Variants in CSMD1 observed in about 807,000 individuals in gnomAD.
The protein encoded by CSMD1 is CUB and sushi domain-containing protein 1.
A neutral mutation model predicts 417.5 loss-of-function variants in CSMD1; 213 were observed. That is an observed-to-expected ratio of 0.51 (90% CI 0.46 to 0.57). The LOEUF is 0.57. Ranked by LOEUF, CSMD1 falls within the 20% of genes least tolerant of loss-of-function variation. The pLI is 0.00. For missense variants in CSMD1, 6,923 were observed against 4,529.7 expected (o/e 1.53, Z -15.17); for synonymous variants, 2,862 against 1,736.8 (o/e 1.65, Z -16.11).
At chr8:4,233,739 G>A (rs938666576) in intron 3 of CSMD1, among the ~76,000 whole-genome samples, 1 of 152,146 alleles carries the variant, frequency 6.6e-6, no homozygotes, top group African/African-American at 2.4e-5. Context: ...ATAAAATAAA[G>A]ATGTAAGATC....
intron 3 of CSMD1, among the ~76,000 whole-genome samples, chr8:4,104,984 T>C (rs1479548500): frequency 8.4e-6 from 1 of 119,522 alleles, no homozygotes; most frequent in Admixed American, 8.5e-5. Context: ...AATAGAACAG[T>C]TTCACATTAA....
intron 1 of CSMD1, among the ~76,000 whole-genome samples, chr8:4,695,734 G>C (rs768682730): frequency 9.9e-5 from 15 of 152,200 alleles, no homozygotes; most frequent in Non-Finnish European, 1.9e-4. Flanking sequence ...GGTATTTTAT[G>C]TTCTATGGGT....
chr8:4,781,567 G>A (rs1233798524), intron 1 of CSMD1, among the ~76,000 whole-genome samples: 2 of 152,210 alleles, frequency 1.3e-5, no homozygotes. Context: ...TTTCACTTTT[G>A]TGGGTCAATT....
At chr8:3,010,543 G>GA (rs1808306517) in intron 52 of CSMD1, among the ~76,000 whole-genome samples, 1 of 151,964 alleles carries the variant, frequency 6.6e-6, no homozygotes, top group Non-Finnish European at 1.5e-5. Flanking sequence ...GCCGCACTCC[G>GA]CATCTATGCT....
At chr8:4,374,930 G>C (rs1017551708) in intron 3 of CSMD1, among the ~76,000 whole-genome samples, 4 of 109,048 alleles carry the variant, frequency 3.7e-5, no homozygotes, top group African/African-American at 1.5e-4. Context: ...CAGAGTCTTA[G>C]AAAACAATGA....
At chr8:3,920,410 G>C (rs1031005936) in intron 5 of CSMD1, among the ~76,000 whole-genome samples, 1 of 151,884 alleles carries the variant, frequency 6.6e-6, no homozygotes, top group African/African-American at 2.4e-5. Context: ...TCTTTTCTAA[G>C]ACTGTAACAT....
chr8:3,915,160 C>G (rs556702506), intron 5 of CSMD1, among the ~76,000 whole-genome samples: 5 of 152,008 alleles, frequency 3.3e-5, no homozygotes, highest in Non-Finnish European at 7.4e-5. Context: ...AATCCCAGCC[C>G]TTTGGGAGGC....
At chr8:3,683,528 G>T (rs1004891958) in intron 7 of CSMD1, among the ~76,000 whole-genome samples, 2 of 152,146 alleles carry the variant, frequency 1.3e-5, no homozygotes, top group African/African-American at 4.8e-5. Flanking sequence ...AGGTATTTCT[G>T]CACTGTGCCA....
chr8:3,249,842 G>T (rs1351598322), intron 26 of CSMD1, among the ~76,000 whole-genome samples: 1 of 152,082 alleles, frequency 6.6e-6, no homozygotes, highest in Non-Finnish European at 1.5e-5. Context: ...TTTGCAAATG[G>T]CTAATGGCAC....
rs139328978 is a variant in CSMD1, at chr8:4,674,359, G to C, written c.86-36801C>G. Among the ~76,000 whole-genome samples the C allele has an allele frequency of 1.3e-4, 20 of 152,268 alleles. No individual in the cohort carries two copies. The East Asian group carries it at 3.3e-3, about 25-fold the overall frequency. ...GGTAAACGCAAGTGGAAATAGATAG[G>C]TTGATGCCAGGATAGGTTGAAAAAA... is the stretch of plus-strand genomic sequence containing the variant. On this transcript the variant is annotated intron_variant, in intron 1 of 69. Transcript: ENST00000635120.
intron 2 of CSMD1, among the ~76,000 whole-genome samples, chr8:4,571,086 A>G (rs1386304520): frequency 6.6e-6 from 1 of 152,112 alleles, no homozygotes; most frequent in African/African-American, 2.4e-5. Flanking sequence ...ATCATTTCAG[A>G]ATATCAGCTC....
rs1438586530 is a variant in CSMD1, at chr8:4,545,002, ATATT to A, written c.302+92336_302+92339del. Among the ~76,000 whole-genome samples, 7 of 152,230 alleles carry A rather than the reference ATATT, an allele frequency of 4.6e-5. 1 individual carries two copies. The highest frequency in any genetic ancestry group is 7.3e-5 in the Non-Finnish European group (5 of 68,040). ...GCATATTCGTAATGCATTTTACTCT[ATATT>A]TATCACGCACGTATCTGAATGCATG... On this transcript the variant is annotated intron_variant, in intron 2 of 69. Transcript: ENST00000635120.
intron 10 of CSMD1, among the ~76,000 whole-genome samples, chr8:3,518,932 G>A (rs1797390978): frequency 6.6e-6 from 1 of 152,110 alleles, no homozygotes; most frequent in Non-Finnish European, 1.5e-5. Context: ...TCCTCATATT[G>A]TCCCTTTTAT....
chr8:4,897,845 G>A (rs554462570), intron 1 of CSMD1, among the ~76,000 whole-genome samples: 1 of 152,126 alleles, frequency 6.6e-6, no homozygotes, highest in Non-Finnish European at 1.5e-5. Flanking sequence ...ATGCTAAGAA[G>A]AGAAAGGCAA....
chr8:3,188,267 A>G (rs989538346), intron 35 of CSMD1, among the ~76,000 whole-genome samples: 4 of 146,086 alleles, frequency 2.7e-5, no homozygotes, highest in Non-Finnish European at 4.5e-5. Context: ...AAAACAAACC[A>G]TGAAAGAACA....
chr8:4,105,114 T>G (rs1018098032), intron 3 of CSMD1, among the ~76,000 whole-genome samples: 4 of 152,132 alleles, frequency 2.6e-5, no homozygotes, highest in African/African-American at 9.7e-5. Flanking sequence ...TGTCCTTAGC[T>G]CCCTACATGT....
intron 26 of CSMD1, among the ~76,000 whole-genome samples, chr8:3,262,183 G>GAAA (rs143292375): frequency 0.045 from 2,460 of 54,644 alleles, 93 homozygotes; most frequent in African/African-American, 0.11. Flanking sequence ...ATGCTCATAT[G>GAAA]AATATATATA....
At chr8:2,996,463 C>G (rs886185422) in intron 54 of CSMD1, among the ~76,000 whole-genome samples, 1 of 152,318 alleles carries the variant, frequency 6.6e-6, no homozygotes, top group East Asian at 1.9e-4. Flanking sequence ...CACGCACACA[C>G]GATTGTGAGG....
chr8:3,245,110 C>T lies in CSMD1; in HGVS notation c.4154-14879G>A, dbSNP rs183147988. ...AATTTGTAAAGCAGATCATGAATTT[C>T]GTTAATTTCTGCATTAATGCATTAA... On this transcript the variant is annotated intron_variant, in intron 26 of 69. Transcript: ENST00000635120. 6.6e-5 allele frequency among the ~76,000 whole-genome samples: 10 copies of T among 152,304 alleles called. No individual in the cohort carries two copies. The East Asian group carries it at 1.2e-3, about 18-fold the overall frequency.
Sources: allele counts gnomAD v4.1 joint callset (sites outside exome capture counted in the v4.1 genomes callset), GRCh38; gene constraint gnomAD v4.1.1; transcripts MANE v1.5; gene names NCBI Gene and HGNC (gene_info 2026-07-23, HGNC 2026-07-21).